TMEM132D: variants seen among roughly 807,000 people sequenced by gnomAD.
TMEM132D encodes the protein transmembrane protein 132D, also known as mature OL transmembrane protein.
In TMEM132D, 21 loss-of-function variants were observed where a neutral mutation model predicts 62.3. That is an observed-to-expected ratio of 0.34 (90% CI 0.24 to 0.49). The LOEUF is 0.49. Ranked by LOEUF, TMEM132D falls within the 20% of genes least tolerant of loss-of-function variation. TMEM132D has a pLI of 0.99. For missense variants in TMEM132D, 1,346 were observed against 1,402.8 expected (o/e 0.96, Z 0.65); for synonymous variants, 621 against 575.6 (o/e 1.08, Z -1.13).
intron 2 of TMEM132D, among the ~76,000 whole-genome samples, chr12:129,611,755 C>T (rs900108518): frequency 1.3e-5 from 2 of 152,174 alleles, no homozygotes; most frequent in Non-Finnish European, 1.5e-5. Flanking sequence ...CTCACATTTC[C>T]ATCCGCTACA....
intron 4 of TMEM132D, among the ~76,000 whole-genome samples, chr12:129,267,875 T>A (rs1014922183): frequency 6.6e-6 from 1 of 152,042 alleles, no homozygotes; most frequent in Non-Finnish European, 1.5e-5. Context: ...TCAGAAATAA[T>A]GCTGCATATC....
chr12:129,658,134 C>T (rs1386682994), intron 2 of TMEM132D, among the ~76,000 whole-genome samples: 1 of 152,100 alleles, frequency 6.6e-6, no homozygotes, highest in Non-Finnish European at 1.5e-5. Flanking sequence ...ATGGGACCTG[C>T]TCATGGAGAA....
intron 4 of TMEM132D, among the ~76,000 whole-genome samples, chr12:129,303,077 G>T (rs995764022): frequency 5.3e-5 from 8 of 152,132 alleles, no homozygotes; most frequent in African/African-American, 1.9e-4. Context: ...AGCATTGATG[G>T]CTCCATAGCC....
chr12:129,098,102 C>A (rs994266910), intron 5 of TMEM132D, among the ~76,000 whole-genome samples: 3 of 152,114 alleles, frequency 2.0e-5, no homozygotes, highest in Non-Finnish European at 4.4e-5. Context: ...GGACACAACC[C>A]AGAAGAATAA....
chr12:129,266,666 A>T (rs753299629), intron 4 of TMEM132D, among the ~76,000 whole-genome samples: 28 of 147,724 alleles, frequency 1.9e-4, no homozygotes, highest in Admixed American at 1.3e-3. Flanking sequence ...CCAGTTTACC[A>T]GCATTAAACA....
At chr12:129,651,245 T>C (rs2137183210) in intron 2 of TMEM132D, among the ~76,000 whole-genome samples, 1 of 152,370 alleles carries the variant, frequency 6.6e-6, no homozygotes, top group South Asian at 2.1e-4. Flanking sequence ...TTCTATTGGT[T>C]CAAAAACATA....
chr12:129,486,811 T>C (rs147120780), intron 3 of TMEM132D, among the ~76,000 whole-genome samples: 4 of 99,196 alleles, frequency 4.0e-5, no homozygotes, highest in East Asian at 2.9e-4. Flanking sequence ...ATTAAGCACA[T>C]TATTAAGCAC....
chr12:129,608,381 C>T (rs1290897820), intron 2 of TMEM132D, among the ~76,000 whole-genome samples: 3 of 152,030 alleles, frequency 2.0e-5, no homozygotes, highest in Non-Finnish European at 4.4e-5. Flanking sequence ...TTTCAGTCTG[C>T]AAAAATGAGG....
At chr12:129,616,962 G>A (rs752915620) in intron 2 of TMEM132D, among the ~76,000 whole-genome samples, 27 of 152,176 alleles carry the variant, frequency 1.8e-4, no homozygotes, top group Non-Finnish European at 2.9e-4. Flanking sequence ...TTGTTTGTGG[G>A]TTTTTGTTTC....
chr12:129,559,051 G>A (rs1306469823), intron 2 of TMEM132D, among the ~76,000 whole-genome samples: 1 of 152,154 alleles, frequency 6.6e-6, no homozygotes, highest in Non-Finnish European at 1.5e-5. Context: ...AGTCATTAGA[G>A]TAATCCACTT....
intron 1 of TMEM132D, among the ~76,000 whole-genome samples, chr12:129,722,792 TG>T (rs1207602643): frequency 6.7e-6 from 1 of 149,272 alleles, no homozygotes; most frequent in Non-Finnish European, 1.5e-5. Flanking sequence ...CAGCCTGGAG[TG>T]CAGTGGTGTG....
intron 5 of TMEM132D, among the ~76,000 whole-genome samples, chr12:129,159,957 T>C (rs1000798018): frequency 5.9e-5 from 9 of 151,908 alleles, no homozygotes; most frequent in African/African-American, 2.2e-4. Flanking sequence ...CTCCGTGAAG[T>C]AAGAGCTGAG....
intron 3 of TMEM132D, among the ~76,000 whole-genome samples, chr12:129,400,066 C>T (rs190094363): frequency 2.0e-5 from 3 of 151,694 alleles, no homozygotes; most frequent in Admixed American, 1.3e-4. Context: ...ACAATACATT[C>T]TAGACAGAGA....
At chr12:129,677,922 T>C (rs1248851752) in intron 2 of TMEM132D, among the ~76,000 whole-genome samples, 2 of 152,140 alleles carry the variant, frequency 1.3e-5, no homozygotes, top group Non-Finnish European at 2.9e-5. Context: ...CACATTTGTA[T>C]CTTTATATAA....
At chr12:129,535,737 A>C (rs900274097) in intron 2 of TMEM132D, among the ~76,000 whole-genome samples, 1 of 149,874 alleles carries the variant, frequency 6.7e-6, no homozygotes, top group Non-Finnish European at 1.5e-5. Flanking sequence ...GGGGAATTTC[A>C]GTGTTTTGTT....
At chr12:129,270,978 G>C (rs1880836475) in intron 4 of TMEM132D, among the ~76,000 whole-genome samples, 1 of 152,240 alleles carries the variant, frequency 6.6e-6, no homozygotes, top group Non-Finnish European at 1.5e-5. Context: ...CCTGCCACCT[G>C]TGGTTGCACC....
intron 3 of TMEM132D, among the ~76,000 whole-genome samples, chr12:129,393,948 AC>A (rs1871354825): frequency 6.6e-6 from 1 of 152,018 alleles, no homozygotes; most frequent in Admixed American, 6.6e-5. Context: ...AAAGACATCC[AC>A]CCCACTGTCA....
At chr12:129,671,696 C>T (rs1303965785) in intron 2 of TMEM132D, among the ~76,000 whole-genome samples, 1 of 152,126 alleles carries the variant, frequency 6.6e-6, no homozygotes, top group Non-Finnish European at 1.5e-5. Context: ...CAGAAAGACA[C>T]AGGCAGAGTG....
intron 4 of TMEM132D, among the ~76,000 whole-genome samples, chr12:129,265,486 G>C (rs1437037463): frequency 6.6e-6 from 1 of 152,136 alleles, no homozygotes; most frequent in Non-Finnish European, 1.5e-5. Context: ...CCCTCTGAAA[G>C]AACTGTCTGC....
Sources: gnomAD v4.1 joint callset for allele counts (sites outside exome capture counted in the v4.1 genomes callset) on GRCh38, gnomAD v4.1.1 for gene constraint, MANE v1.5 for transcripts, NCBI Gene and HGNC (gene_info 2026-07-23, HGNC 2026-07-21) for gene names.